FNBP1L: variants seen among roughly 807,000 people sequenced by gnomAD.
The protein encoded by FNBP1L is formin binding protein 1 like.
In FNBP1L, 36 loss-of-function variants were observed where a neutral mutation model predicts 91.2. That is an observed-to-expected ratio of 0.39 (90% CI 0.30 to 0.52). FNBP1L has a LOEUF of 0.52. Among genes scored for constraint, FNBP1L ranks in the 20% least tolerant of loss-of-function variants. The pLI is 0.66. For missense variants in FNBP1L, 571 were observed against 732.1 expected (o/e 0.78, Z 2.54); for synonymous variants, 242 against 237.0 (o/e 1.02, Z -0.19).
chr1:93,489,225 A>C (rs1271447769), intron 1 of FNBP1L, among the ~76,000 whole-genome samples: 1 of 152,142 alleles, frequency 6.6e-6, no homozygotes, highest in Non-Finnish European at 1.5e-5. Flanking sequence ...ATTTGGAAGG[A>C]GTGATTATAA....
chr1:93,498,811 A>G (rs548339949), intron 1 of FNBP1L, among the ~76,000 whole-genome samples: 1 of 152,324 alleles, frequency 6.6e-6, no homozygotes, highest in South Asian at 2.1e-4. Context: ...AACATGTTTA[A>G]TAACATCACC....
intron 15 of FNBP1L, among the ~76,000 whole-genome samples, chr1:93,550,454 A>G (rs17110058): frequency 0.12 from 18,995 of 152,206 alleles, 1,443 homozygotes; most frequent in East Asian, 0.32. Context: ...AGAGAGTGAA[A>G]GAGTTGTGTA....
chr1:93,539,143 TTC>T (rs954010033), intron 10 of FNBP1L, among the ~76,000 whole-genome samples: 5 of 152,102 alleles, frequency 3.3e-5, no homozygotes, highest in Admixed American at 2.0e-4. Context: ...AGTCCAGGTT[TTC>T]TCTCTGAATA....
chr1:93,515,645 C>G (rs1671069637), intron 2 of FNBP1L, among the ~76,000 whole-genome samples: 1 of 151,452 alleles, frequency 6.6e-6, no homozygotes, highest in South Asian at 2.1e-4. Flanking sequence ...AATCATCATT[C>G]TCAGTAAACT....
chr1:93,524,490 G>A (rs886812473), intron 5 of FNBP1L, among the ~76,000 whole-genome samples, 167 bp downstream of exon 5: 3 of 151,298 alleles, frequency 2.0e-5, no homozygotes, highest in Non-Finnish European at 4.4e-5. Context: ...TGGAGGATGT[G>A]AGGTCATTTT....
intron 2 of FNBP1L, among the ~76,000 whole-genome samples, chr1:93,519,503 ATTATG>A (rs954117152): frequency 2.6e-5 from 4 of 152,126 alleles, no homozygotes; most frequent in Non-Finnish European, 5.9e-5. Context: ...TTCTTACCAT[ATTATG>A]TTATGTAAGA....
At chr1:93,460,431 C>G (rs1386683680) in intron 1 of FNBP1L, among the ~76,000 whole-genome samples, 1 of 152,206 alleles carries the variant, frequency 6.6e-6, no homozygotes, top group Non-Finnish European at 1.5e-5. Context: ...GTCTCAGATA[C>G]TTTCTTTTAG....
At chr1:93,472,596 A>ATCGT (rs1669329613) in intron 1 of FNBP1L, among the ~76,000 whole-genome samples, 1 of 151,862 alleles carries the variant, frequency 6.6e-6, no homozygotes, top group Non-Finnish European at 1.5e-5. Context: ...GTGGATCACG[A>ATCGT]GGTCAGGAGA....
At chr1:93,547,616 A>G (rs1003659919) in intron 14 of FNBP1L, among the ~76,000 whole-genome samples, 175 bp downstream of exon 14, 4 of 152,142 alleles carry the variant, frequency 2.6e-5, no homozygotes, top group African/African-American at 9.7e-5. Context: ...GAAGTAGGAA[A>G]GTTCATCTTG....
chr1:93,448,366 G>A (rs1668341205), intron 1 of FNBP1L, 61 bp downstream of exon 1: 9 of 1,454,996 alleles, frequency 6.2e-6, no homozygotes, highest in Non-Finnish European at 7.2e-6. Context: ...CGGGTTGGGC[G>A]GGCGCCGCGG....
intron 11 of FNBP1L, 95 bp from the exon 12 acceptor site, chr1:93,544,010 CTT>C (rs1672133905): frequency 5.1e-6 from 4 of 789,392 alleles, no homozygotes; most frequent in Non-Finnish European, 7.3e-6. Context: ...TGAAATTAAA[CTT>C]AAGATTGGTA....
At chr1:93,525,937 A>G (rs981046316) in intron 5 of FNBP1L, among the ~76,000 whole-genome samples, 1 of 152,178 alleles carries the variant, frequency 6.6e-6, no homozygotes. Flanking sequence ...GTAGGATTCT[A>G]TTTCCTAGTT....
intron 1 of FNBP1L, among the ~76,000 whole-genome samples, chr1:93,493,111 A>G (rs1670150258): frequency 6.6e-6 from 1 of 152,134 alleles, no homozygotes. Flanking sequence ...TAAAAATACA[A>G]AAATTAGCTG....
chr1:93,517,187 G>C (rs1280608809), intron 2 of FNBP1L, among the ~76,000 whole-genome samples: 1 of 151,904 alleles, frequency 6.6e-6, no homozygotes. Flanking sequence ...GAGACTACAG[G>C]AGTGCGCCAC....
chr1:93,499,606 T>C (rs775621471), intron 2 of FNBP1L, 23 bp downstream of exon 2: 2 of 1,378,908 alleles, frequency 1.5e-6, no homozygotes, highest in South Asian at 2.6e-5. Flanking sequence ...TTTTTTCAGT[T>C]TTTAGAATGA....
At chr1:93,489,558 T>TA (rs565032729) in intron 1 of FNBP1L, among the ~76,000 whole-genome samples, 18 of 148,892 alleles carry the variant, frequency 1.2e-4, no homozygotes, top group South Asian at 4.3e-4. Context: ...ACAGAGAAGT[T>TA]AAAAAAAAAA....
chr1:93,496,372 G>A (rs944706908), intron 1 of FNBP1L, among the ~76,000 whole-genome samples: 3 of 151,420 alleles, frequency 2.0e-5, no homozygotes, highest in East Asian at 3.9e-4. Flanking sequence ...TCCCACCTCC[G>A]CCTTTCACCT....
chr1:93,526,056 G>C (rs925749574), intron 5 of FNBP1L, among the ~76,000 whole-genome samples: 4 of 151,976 alleles, frequency 2.6e-5, no homozygotes, highest in African/African-American at 4.8e-5. Flanking sequence ...TTAGTGACAG[G>C]GTATTAAAAA....
chr1:93,535,703 C>T (rs1165921545), intron 9 of FNBP1L, among the ~76,000 whole-genome samples: 1 of 151,606 alleles, frequency 6.6e-6, no homozygotes, highest in Non-Finnish European at 1.5e-5. Flanking sequence ...TTATAATTAA[C>T]TCATGCTTTA....
Sources: allele counts gnomAD v4.1 joint callset (sites outside exome capture counted in the v4.1 genomes callset), GRCh38; gene constraint gnomAD v4.1.1; transcripts MANE v1.5; gene names NCBI Gene and HGNC (gene_info 2026-07-23, HGNC 2026-07-21).